Variants in ADCY8 observed in about 807,000 individuals in gnomAD.
ADCY8 encodes adenylate cyclase type 8.
Under a neutral mutation model 119.7 loss-of-function variants are expected in ADCY8, and 51 were observed. The observed-to-expected ratio is 0.43, with a 90% CI of 0.34 to 0.54. The LOEUF (loss-of-function observed/expected upper bound fraction) is 0.54, where lower values mean the gene tolerates loss of function less well. Ranked by LOEUF, ADCY8 falls within the 20% of genes least tolerant of loss-of-function variation. The pLI is 0.03. For synonymous variants in ADCY8, 665 were observed against 651.0 expected (o/e 1.02, Z -0.33); for missense variants, 1,383 against 1,598.8 (o/e 0.87, Z 2.30).
At chr8:130,843,707 A>G (rs1449162613) in intron 11 of ADCY8, among the ~76,000 whole-genome samples, 2 of 152,192 alleles carry the variant, frequency 1.3e-5, no homozygotes, top group Non-Finnish European at 1.5e-5. Context: ...TTCTCTTTAA[A>G]TATTTTAAAA....
intron 3 of ADCY8, among the ~76,000 whole-genome samples, chr8:130,950,984 G>A (rs745459825): frequency 2.0e-5 from 3 of 152,296 alleles, no homozygotes; most frequent in South Asian, 2.1e-4. Context: ...AGGCGCGAGC[G>A]ACCGTGCCCG....
chr8:130,828,609 T>C (rs1816736835), intron 12 of ADCY8, among the ~76,000 whole-genome samples: 1 of 152,160 alleles, frequency 6.6e-6, no homozygotes, highest in East Asian at 1.9e-4. Context: ...GCTTCCCAAT[T>C]CTCCCTTTTT....
At chr8:130,893,027 T>G (rs532614507) in intron 7 of ADCY8, among the ~76,000 whole-genome samples, 15 of 152,226 alleles carry the variant, frequency 9.9e-5, no homozygotes, top group Admixed American at 9.8e-4. Context: ...AAAAGAAGAT[T>G]CTCATCTCAG....
chr8:130,894,017 A>C (rs1014995460), intron 7 of ADCY8, among the ~76,000 whole-genome samples: 1 of 152,150 alleles, frequency 6.6e-6, no homozygotes, highest in African/African-American at 2.4e-5. Context: ...TGAAAAACTT[A>C]CACATCTTGG....
At chr8:130,801,533 GCTC>G (rs1245373269) in intron 14 of ADCY8, among the ~76,000 whole-genome samples, 1 of 151,986 alleles carries the variant, frequency 6.6e-6, no homozygotes, top group Non-Finnish European at 1.5e-5. Context: ...TCCTCTCCCT[GCTC>G]CTCCTCATCT....
chr8:130,936,783 T>A (rs1820800391), intron 5 of ADCY8, among the ~76,000 whole-genome samples: 1 of 152,206 alleles, frequency 6.6e-6, no homozygotes, highest in Non-Finnish European at 1.5e-5. Context: ...CACTGTAACA[T>A]CCCTGAAGGT....
At chr8:130,853,957 A>T (rs563143896) in intron 9 of ADCY8, among the ~76,000 whole-genome samples, 13 of 152,330 alleles carry the variant, frequency 8.5e-5, no homozygotes, top group Admixed American at 8.5e-4. Flanking sequence ...ATAAAGTAGT[A>T]TAATAAAAAT....
intron 15 of ADCY8, among the ~76,000 whole-genome samples, chr8:130,785,939 C>T (rs756484435): frequency 1.3e-5 from 2 of 152,226 alleles, no homozygotes; most frequent in Non-Finnish European, 2.9e-5. Context: ...GGCCTCAGGA[C>T]TTCTGCACCT....
intron 4 of ADCY8, 77 bp from the exon 5 acceptor site, chr8:130,937,277 C>T (rs560439614): frequency 2.3e-4 from 348 of 1,492,968 alleles, no homozygotes; most frequent in Non-Finnish European, 2.8e-4. Flanking sequence ...GAGAAAGAGG[C>T]GAGCAGGGTT....
intron 15 of ADCY8, among the ~76,000 whole-genome samples, chr8:130,797,953 C>G (rs988605084): frequency 6.6e-6 from 1 of 152,184 alleles, no homozygotes. Flanking sequence ...GTATGGGAGA[C>G]TGGGGTTCAA....
At chr8:130,986,701 T>C (rs558282372) in intron 2 of ADCY8, among the ~76,000 whole-genome samples, 1 of 152,280 alleles carries the variant, frequency 6.6e-6, no homozygotes, top group Non-Finnish European at 1.5e-5. Context: ...AAATAGCAGT[T>C]TGGGGAAAGA....
rs751167144 is a variant in ADCY8 at position 130,845,970 on chromosome 8, C to T, written c.2502+1454G>A. ...AGCTCTAGTTTTATTATCTATAAGA[C>T]GGAGACAGTAATAGCCTCTACCCCA... On this transcript the variant is annotated intron_variant, in intron 11 of 17. Coordinates refer to ENST00000286355, the MANE Select transcript of ADCY8 (RefSeq NM_001115.3). Among the ~76,000 whole-genome samples, 28 of 152,078 alleles carry T rather than the reference C, an allele frequency of 1.8e-4. 1 individual carries two copies. The highest frequency in any genetic ancestry group is 2.1e-4 in the South Asian group (1 of 4,818).
chr8:130,851,289 G>T (rs1817518493), intron 9 of ADCY8, among the ~76,000 whole-genome samples: 1 of 152,134 alleles, frequency 6.6e-6, no homozygotes, highest in Non-Finnish European at 1.5e-5. Context: ...AATATTCCGG[G>T]ATCTATAAAG....
At chr8:130,906,031 A>T (rs1188373838) in intron 6 of ADCY8, among the ~76,000 whole-genome samples, 1 of 152,242 alleles carries the variant, frequency 6.6e-6, no homozygotes, top group Admixed American at 6.5e-5. Flanking sequence ...ATCATTTCTG[A>T]TACTTCATGT....
chr8:130,911,840 T>C (rs1346894943), intron 5 of ADCY8, among the ~76,000 whole-genome samples: 4 of 151,870 alleles, frequency 2.6e-5, no homozygotes, highest in Non-Finnish European at 4.4e-5. Context: ...TTAATAAAAA[T>C]AGGGGATCAA....
At chr8:130,878,448 T>C (rs1193418321) in intron 8 of ADCY8, among the ~76,000 whole-genome samples, 1 of 152,208 alleles carries the variant, frequency 6.6e-6, no homozygotes, top group Non-Finnish European at 1.5e-5. Context: ...CCTCTAGACT[T>C]GTTAAAAGCC....
At chr8:131,024,354 T>C (rs1241201021) in intron 1 of ADCY8, among the ~76,000 whole-genome samples, 1 of 152,244 alleles carries the variant, frequency 6.6e-6, no homozygotes, top group Non-Finnish European at 1.5e-5. Flanking sequence ...CATTAGCTCA[T>C]TTACTGATAA....
At chr8:131,010,124 T>C (rs1278406755) in intron 1 of ADCY8, among the ~76,000 whole-genome samples, 1 of 152,210 alleles carries the variant, frequency 6.6e-6, no homozygotes. Flanking sequence ...GCTGAGAGTA[T>C]GGATTCCAAA....
chr8:131,006,948 A>T (rs1823138526), intron 1 of ADCY8, among the ~76,000 whole-genome samples: 1 of 152,170 alleles, frequency 6.6e-6, no homozygotes, highest in African/African-American at 2.4e-5. Flanking sequence ...TCTGCAATGG[A>T]TGTATATGAT....
Sources: allele counts gnomAD v4.1 joint callset (sites outside exome capture counted in the v4.1 genomes callset), GRCh38; gene constraint gnomAD v4.1.1; transcripts MANE v1.5; gene names NCBI Gene and HGNC (gene_info 2026-07-23, HGNC 2026-07-21).